The following CAMK1D variants were observed in gnomAD, a reference collection of about 807,000 sequenced individuals.
CAMK1D encodes calcium/calmodulin-dependent protein kinase type 1D.
A neutral mutation model predicts 47.7 loss-of-function variants in CAMK1D; 9 were observed. The observed-to-expected ratio is 0.19, with a 90% CI of 0.11 to 0.33. The LOEUF (loss-of-function observed/expected upper bound fraction) is 0.33, where lower values mean the gene tolerates loss of function less well. CAMK1D is among the 10% of genes least tolerant of loss of function. CAMK1D has a pLI of 1.00. For missense variants in CAMK1D, 291 were observed against 488.7 expected (o/e 0.60, Z 3.81); for synonymous variants, 184 against 184.9 (o/e 0.99, Z 0.04).
At chr10:12,531,023 A>C (rs1024747463) in intron 1 of CAMK1D, among the ~76,000 whole-genome samples, 4 of 150,400 alleles carry the variant, frequency 2.7e-5, no homozygotes, top group Non-Finnish European at 5.9e-5. Context: ...GTGCCACTGC[A>C]CTCTAGCCTG....
intron 1 of CAMK1D, among the ~76,000 whole-genome samples, chr10:12,385,044 C>T (rs1365466822): frequency 6.6e-6 from 1 of 152,064 alleles, no homozygotes; most frequent in Admixed American, 6.6e-5. Context: ...AAATCAAAAC[C>T]ACAATTAGAT....
chr10:12,819,634 G>A (rs1263808502), intron 8 of CAMK1D, among the ~76,000 whole-genome samples: 1 of 152,268 alleles, frequency 6.6e-6, no homozygotes, highest in East Asian at 1.9e-4. Context: ...CCTACAGGCT[G>A]CCATTAATTG....
chr10:12,801,297 G>GTATCTATCTATCTATCTATC (rs1183015885), intron 6 of CAMK1D, among the ~76,000 whole-genome samples: 5 of 89,990 alleles, frequency 5.6e-5, no homozygotes, highest in Admixed American at 1.2e-4. Context: ...GTCTGTGTGT[G>GTATCTATCTATCTATCTATC]TATCTATCTA....
In CAMK1D at chr10:12,718,187, C is replaced by T. The variant is rs1834231265; in HGVS notation, c.300-42761C>T. On this transcript the variant is annotated intron_variant, in intron 3 of 10. Coordinates refer to ENST00000619168, the MANE Select transcript of CAMK1D (RefSeq NM_153498.4). Reference sequence around the variant, plus strand: ...AGCCGTTGACTCATGTTTTTTGGATCGATTTCTAGTTTTGTAATGATTGGG... The same window carrying T: ...AGCCGTTGACTCATGTTTTTTGGATTGATTTCTAGTTTTGTAATGATTGGG... Among the ~76,000 whole-genome samples, 3 of 152,114 alleles carry T rather than the reference C, an allele frequency of 2.0e-5. No individual in the cohort carries two copies. The South Asian group carries it at 6.2e-4, about 32-fold the overall frequency.
intron 1 of CAMK1D, among the ~76,000 whole-genome samples, chr10:12,374,629 T>C (rs1838118125): frequency 6.6e-6 from 1 of 152,212 alleles, no homozygotes; most frequent in South Asian, 2.1e-4. Flanking sequence ...TCAGTTGTCC[T>C]ATATTTTTCT....
intron 1 of CAMK1D, among the ~76,000 whole-genome samples, chr10:12,383,183 A>G (rs990149228): frequency 2.0e-5 from 3 of 152,192 alleles, no homozygotes; most frequent in Non-Finnish European, 4.4e-5. Flanking sequence ...GGTACTAAAT[A>G]ATTAAATTAG....
chr10:12,558,639 T>G (rs1836840035), intron 2 of CAMK1D, among the ~76,000 whole-genome samples: 1 of 151,908 alleles, frequency 6.6e-6, no homozygotes, highest in South Asian at 2.1e-4. Flanking sequence ...CAGTCTACAT[T>G]TAAATGAGAG....
intron 6 of CAMK1D, among the ~76,000 whole-genome samples, chr10:12,794,828 G>C (rs1407390769): frequency 6.6e-6 from 1 of 152,050 alleles, no homozygotes; most frequent in East Asian, 1.9e-4. Flanking sequence ...TCAAATCCTG[G>C]GTATGATTGA....
At position 12,830,583 on chromosome 10, in the gene CAMK1D, G is replaced by C. The variant is rs1833399414; in HGVS notation, c.*1696G>C. The C allele has an allele frequency of 6.6e-6, 1 of 152,282 alleles. No homozygotes were observed. Among genetic ancestry groups the C allele is most frequent in the African/African-American group, 2.4e-5 (1 of 41,452 alleles). The allele number at this position is 152,282 out of a possible 1,614,324, so 9.4% of individuals were successfully genotyped here. A position where few individuals can be genotyped will look rare whatever the true frequency, so the allele number is the denominator to read the frequency against. On this transcript the variant is annotated 3_prime_UTR_variant, in exon 11 of 11. Transcript: ENST00000619168. ...TATCCGGGGCAAAGCAGGCTGTGTTGTTCGCCTTTGTGGAGCCAGGCAGTG... is the reference window on the plus strand; with the variant it reads ...TATCCGGGGCAAAGCAGGCTGTGTTCTTCGCCTTTGTGGAGCCAGGCAGTG...
chr10:12,558,239 A>C (rs1175374332), intron 2 of CAMK1D, among the ~76,000 whole-genome samples: 1 of 152,154 alleles, frequency 6.6e-6, no homozygotes, highest in Non-Finnish European at 1.5e-5. Flanking sequence ...ATTTATTTCG[A>C]GGGCAGGCAC....
At chr10:12,442,489 G>C (rs142896223) in intron 1 of CAMK1D, among the ~76,000 whole-genome samples, 188 of 152,076 alleles carry the variant, frequency 1.2e-3, no homozygotes, top group African/African-American at 4.4e-3. Flanking sequence ...TCAAAAACAA[G>C]CAAACAAAAA....
intron 2 of CAMK1D, among the ~76,000 whole-genome samples, chr10:12,570,511 G>A (rs958844677): frequency 4.6e-4 from 70 of 151,240 alleles, no homozygotes; most frequent in Non-Finnish European, 7.7e-4. Flanking sequence ...AAACCCCACC[G>A]TCCACTAAAA....
intron 3 of CAMK1D, among the ~76,000 whole-genome samples, chr10:12,732,732 G>A (rs1834952291): frequency 8.1e-6 from 1 of 123,160 alleles, no homozygotes; most frequent in South Asian, 2.7e-4. Flanking sequence ...AATTCAAGTT[G>A]AGATTTGGGT....
At chr10:12,561,140 A>G (rs1330208265) in intron 2 of CAMK1D, among the ~76,000 whole-genome samples, 1 of 151,804 alleles carries the variant, frequency 6.6e-6, no homozygotes, top group Non-Finnish European at 1.5e-5. Flanking sequence ...ATTGGTCTCG[A>G]TCTCCTGACC....
chr10:12,791,236 A>C lies in CAMK1D; in HGVS notation c.641+3A>C. 1 of 1,613,838 alleles carries C rather than the reference A, an allele frequency of 6.2e-7. No individual in the cohort carries two copies. The highest frequency in any genetic ancestry group is 8.5e-7 in the Non-Finnish European group (1 of 1,179,748). ...ATCGGAGTGATTGCCTACATCTTGT[A>C]AGTACTGCCTGCTGCCTTGGGTTCT... On this transcript the variant is annotated splice_donor_region_variant and intron_variant, in intron 6 of 10. Transcript: ENST00000619168.
At chr10:12,801,154 A>T (rs1838413581) in intron 6 of CAMK1D, among the ~76,000 whole-genome samples, 1 of 152,032 alleles carries the variant, frequency 6.6e-6, no homozygotes, top group Admixed American at 6.6e-5. Context: ...GAAGAGGGGG[A>T]TAAGGGTGTG....
At chr10:12,701,105 T>C (rs1482512315) in intron 3 of CAMK1D, among the ~76,000 whole-genome samples, 3 of 151,392 alleles carry the variant, frequency 2.0e-5, no homozygotes, top group Non-Finnish European at 4.4e-5. Flanking sequence ...CCATAGATTC[T>C]TCTTTTTTTT....
rs953583962 is a variant in CAMK1D at position 12,408,716 on chromosome 10, C to T, written c.92+58806C>T. ...AGCAACGTGCAAGGCCCGCTTTCTC[C>T]TCTTGGATGCTGCAAACAGTACGTG... On this transcript the variant is annotated intron_variant, in intron 1 of 10. Coordinates refer to ENST00000619168, the MANE Select transcript of CAMK1D (RefSeq NM_153498.4). Among the ~76,000 whole-genome samples, 4 of 152,286 alleles carry T rather than the reference C, an allele frequency of 2.6e-5. No homozygotes were observed. In the South Asian group the frequency reaches 8.3e-4, roughly 32 times the overall value.
chr10:12,563,684 A>C (rs189670492), intron 2 of CAMK1D, among the ~76,000 whole-genome samples: 1 of 130,154 alleles, frequency 7.7e-6, no homozygotes, highest in Non-Finnish European at 1.7e-5. Flanking sequence ...AGAGAGAGAG[A>C]GAGAGAGAGA....
Sources: allele counts gnomAD v4.1 joint callset (sites outside exome capture counted in the v4.1 genomes callset), GRCh38; gene constraint gnomAD v4.1.1; transcripts MANE v1.5; gene names NCBI Gene and HGNC (gene_info 2026-07-23, HGNC 2026-07-21).